The following RIC1 variants were observed in gnomAD, a reference collection of about 807,000 sequenced individuals.
The protein encoded by RIC1 is guanine nucleotide exchange factor subunit RIC1.
RIC1 carries 88 observed loss-of-function variants against 169.0 expected under a neutral mutation model. The ratio of observed to expected loss-of-function variants is 0.52; its 90% CI spans 0.44 to 0.62. The LOEUF (loss-of-function observed/expected upper bound fraction) is 0.62, where lower values mean the gene tolerates loss of function less well. Among genes scored for constraint, RIC1 ranks in the 20% least tolerant of loss-of-function variants. The pLI is 0.00. For synonymous variants in RIC1, 790 were observed against 601.5 expected (o/e 1.31, Z -4.59); for missense variants, 1,877 against 1,725.5 (o/e 1.09, Z -1.56).
intron 2 of RIC1, among the ~76,000 whole-genome samples, chr9:5,681,762 T>G (rs1335990113): frequency 6.6e-6 from 1 of 152,152 alleles, no homozygotes; most frequent in Non-Finnish European, 1.5e-5. Flanking sequence ...CTCCCATTAT[T>G]ATTGTGTGGG....
intron 15 of RIC1, among the ~76,000 whole-genome samples, chr9:5,755,415 C>G (rs1292413958): frequency 1.3e-5 from 2 of 152,036 alleles, no homozygotes; most frequent in Non-Finnish European, 2.9e-5. Flanking sequence ...TTAATAATGA[C>G]TAATAATAAA....
At chr9:5,643,890 C>T (rs189134889) in intron 1 of RIC1, among the ~76,000 whole-genome samples, 34 of 152,258 alleles carry the variant, frequency 2.2e-4, no homozygotes, top group Admixed American at 1.8e-3. Context: ...CATGAGCAGG[C>T]ATCAATTGGT....
intron 2 of RIC1, among the ~76,000 whole-genome samples, chr9:5,661,731 G>C (rs1197837375): frequency 6.6e-6 from 1 of 152,124 alleles, no homozygotes; most frequent in Non-Finnish European, 1.5e-5. Context: ...AAGCTTTTGG[G>C]CTGAGGCAAT....
intron 8 of RIC1, among the ~76,000 whole-genome samples, chr9:5,739,054 G>C (rs1824909113): frequency 6.6e-6 from 1 of 152,074 alleles, no homozygotes; most frequent in East Asian, 1.9e-4. Context: ...TGCAATTATA[G>C]GGTTCTTCAA....
At chr9:5,640,188 T>G (rs1818170924) in intron 1 of RIC1, among the ~76,000 whole-genome samples, 1 of 152,222 alleles carries the variant, frequency 6.6e-6, no homozygotes, top group South Asian at 2.1e-4. Flanking sequence ...TTTTCTCTGG[T>G]GCTATGATTT....
intron 2 of RIC1, among the ~76,000 whole-genome samples, chr9:5,689,106 T>C (rs1347527675): frequency 1.5e-5 from 2 of 134,768 alleles, no homozygotes; most frequent in Non-Finnish European, 3.0e-5. Context: ...GGGAGTGCAG[T>C]GGCGCGATCT....
intron 2 of RIC1, among the ~76,000 whole-genome samples, chr9:5,669,716 C>G (rs2760413): frequency 0.7 from 106,000 of 152,098 alleles, 38,741 homozygotes; most frequent in African/African-American, 0.92. Context: ...CTTGCAGTGG[C>G]AAAGAGAGAT....
At chr9:5,655,889 C>T (rs569175768) in intron 1 of RIC1, among the ~76,000 whole-genome samples, 96 of 152,078 alleles carry the variant, frequency 6.3e-4, no homozygotes, top group Non-Finnish European at 1.1e-3. Context: ...GTTTTTGAGA[C>T]AGAGTCTCGC....
intron 1 of RIC1, among the ~76,000 whole-genome samples, chr9:5,632,498 G>C (rs1430085255): frequency 6.6e-6 from 1 of 152,068 alleles, no homozygotes; most frequent in African/African-American, 2.4e-5. Context: ...ATACAGTATA[G>C]TGTTGTTTAT....
At position 5,743,707 on chromosome 9, in the gene RIC1, C is replaced by A; in HGVS notation, c.1065C>A (p.Thr355=). ...GGDFAYRSDG[T]KKDPLKINSM... is the part of the protein sequence containing the mutation. ...GTTTCAGTTATAGGTCTGATGGCAC[C>A]AAAAAAGATCCCCTTAAGATCAACT... Residue 355 remains threonine, a synonymous_variant, in exon 10 of 26, where the codon ACC becomes ACA. Coordinates refer to ENST00000414202, the MANE Select transcript of RIC1 (RefSeq NM_020829.4). The A allele has an allele frequency of 5.6e-6, 9 of 1,609,230 alleles. No homozygotes were observed. The highest frequency in any genetic ancestry group is 7.6e-6 in the Non-Finnish European group (9 of 1,176,590).
chr9:5,730,856 T>C (rs904532681), intron 6 of RIC1, among the ~76,000 whole-genome samples: 11 of 152,160 alleles, frequency 7.2e-5, no homozygotes, highest in Admixed American at 1.3e-4. Context: ...GCCCTAATTA[T>C]CTGACCTCCT....
intron 4 of RIC1, chr9:5,719,536 G>A (rs1315666191): frequency 6.6e-6 from 1 of 152,214 alleles, no homozygotes; most frequent in Non-Finnish European, 1.5e-5. Flanking sequence ...GTTTGTAGAA[G>A]GAATGAACAA....
intron 12 of RIC1, 117 bp downstream of exon 12, chr9:5,747,622 T>C: frequency 1.1e-6 from 1 of 879,014 alleles, no homozygotes; most frequent in Non-Finnish European, 1.8e-6. Flanking sequence ...TTTAACCATT[T>C]TGTCATGTCC....
intron 3 of RIC1, among the ~76,000 whole-genome samples, chr9:5,704,147 T>G (rs1405367338): frequency 1.3e-5 from 2 of 152,180 alleles, no homozygotes; most frequent in African/African-American, 4.8e-5. Flanking sequence ...GAACATACTT[T>G]CATTTGCTCT....
intron 2 of RIC1, among the ~76,000 whole-genome samples, chr9:5,660,697 AT>A (rs878980193): frequency 2.1e-4 from 32 of 149,904 alleles, no homozygotes; most frequent in Non-Finnish European, 3.4e-4. Context: ...TCTTAATGGG[AT>A]TTTTTTTTTC....
chr9:5,743,214 G>A (rs553113245), intron 9 of RIC1, among the ~76,000 whole-genome samples: 1 of 152,200 alleles, frequency 6.6e-6, no homozygotes, highest in African/African-American at 2.4e-5. Context: ...CCACAAAAAT[G>A]TATTTATTTA....
chr9:5,725,773 G>A lies in RIC1; in HGVS notation c.720+5023G>A, dbSNP rs1203259324. ...GGTATGTTGTGTCTTTGTTCTCGTT[G>A]GTTTCAAAGAACATCTTTATTTCTG... is the stretch of plus-strand genomic sequence containing the variant. On this transcript the variant is annotated intron_variant, in intron 6 of 25. Coordinates refer to ENST00000414202, the MANE Select transcript of RIC1 (RefSeq NM_020829.4). Among the ~76,000 whole-genome samples the A allele has an allele frequency of 3.3e-5, 5 of 151,880 alleles. No homozygotes were observed. The East Asian group carries it at 9.6e-4, about 29-fold the overall frequency.
chr9:5,678,262 C>T (rs1054007931), intron 2 of RIC1, among the ~76,000 whole-genome samples: 1 of 152,056 alleles, frequency 6.6e-6, no homozygotes, highest in Non-Finnish European at 1.5e-5. Context: ...GGACATTTGG[C>T]TTGGTTTCAA....
intron 12 of RIC1, among the ~76,000 whole-genome samples, chr9:5,751,078 C>T (rs1430260904): frequency 6.6e-6 from 1 of 151,624 alleles, no homozygotes; most frequent in Non-Finnish European, 1.5e-5. Context: ...TTATTAGAAA[C>T]TCTTTGTGTT....
Sources: allele counts gnomAD v4.1 joint callset (sites outside exome capture counted in the v4.1 genomes callset), GRCh38; gene constraint gnomAD v4.1.1; transcripts MANE v1.5; gene names NCBI Gene and HGNC (gene_info 2026-07-23, HGNC 2026-07-21).